SCHIP1: variants seen among roughly 807,000 people sequenced by gnomAD.
SCHIP1 encodes the protein schwannomin-interacting protein 1.
A neutral mutation model predicts 29.7 loss-of-function variants in SCHIP1; 8 were observed. The observed-to-expected ratio is 0.27, with a 90% confidence interval of 0.16 to 0.49. The LOEUF (loss-of-function observed/expected upper bound fraction) is 0.49, where lower values mean the gene tolerates loss of function less well. SCHIP1 is among the 20% of genes least tolerant of loss of function. The probability of loss-of-function intolerance (pLI) is 0.99; values close to 1 mark genes in which losing one functional copy is unlikely to be tolerated. For synonymous variants in SCHIP1, 76 were observed against 94.9 expected (o/e 0.80, Z 1.16); for missense variants, 193 against 294.6 (o/e 0.66, Z 2.52).
the SCHIP1 span, among the ~76,000 whole-genome samples, chr3:159,284,226 TTAGA>T: frequency 5.3e-5 from 8 of 152,186 alleles, no homozygotes; most frequent in Non-Finnish European, 1.0e-4. Context: ...TCCATGGTTA[TTAGA>T]TATTCAGGTT....
At chr3:159,599,626 A>G in the SCHIP1 span, among the ~76,000 whole-genome samples, 1 of 152,244 alleles carries the variant, frequency 6.6e-6, no homozygotes, top group South Asian at 2.1e-4. Flanking sequence ...ATGTATATAT[A>G]CCATATTTTC....
At chr3:159,352,558 A>G in the SCHIP1 span, among the ~76,000 whole-genome samples, 2,466 of 152,056 alleles carry the variant, frequency 0.016, 54 homozygotes, top group African/African-American at 0.056. Context: ...AATTTTCCAA[A>G]CTCTGTGTGT....
the SCHIP1 span, among the ~76,000 whole-genome samples, chr3:159,493,915 G>T: frequency 4.6e-5 from 7 of 151,590 alleles, no homozygotes; most frequent in Admixed American, 4.6e-4. Flanking sequence ...TCAGACCACA[G>T]TGCAATCAAA....
intron 2 of SCHIP1, among the ~76,000 whole-genome samples, chr3:159,873,072 A>G (rs1715441483): frequency 6.6e-6 from 1 of 152,244 alleles, no homozygotes; most frequent in African/African-American, 2.4e-5. Context: ...TACCTCTAGT[A>G]TTCTAAAATA....
the SCHIP1 span, among the ~76,000 whole-genome samples, chr3:159,299,625 A>C: frequency 6.6e-6 from 1 of 152,190 alleles, no homozygotes; most frequent in Non-Finnish European, 1.5e-5. Flanking sequence ...TATTTTCAAC[A>C]TCTTTGTGAG....
At chr3:159,358,792 G>A in the SCHIP1 span, among the ~76,000 whole-genome samples, 1 of 152,260 alleles carries the variant, frequency 6.6e-6, no homozygotes, top group South Asian at 2.1e-4. Flanking sequence ...TAGAAAATAG[G>A]TGAGATGTAG....
chr3:159,359,522 G>A, the SCHIP1 span, among the ~76,000 whole-genome samples: 2 of 152,136 alleles, frequency 1.3e-5, no homozygotes, highest in African/African-American at 4.8e-5. Context: ...ACAGATAAAA[G>A]TGTTTGGTAA....
chr3:159,582,507 AT>A, the SCHIP1 span, among the ~76,000 whole-genome samples: 5 of 151,864 alleles, frequency 3.3e-5, no homozygotes, highest in Admixed American at 2.0e-4. Context: ...GCAATAAAGT[AT>A]TTTTTTTAAT....
chr3:159,789,256 G>T, the SCHIP1 span, among the ~76,000 whole-genome samples: 11,157 of 152,226 alleles, frequency 0.073, 1,326 homozygotes, highest in African/African-American at 0.25. Flanking sequence ...TCTAAAGGCT[G>T]TCTGGAGGCA....
At chr3:159,761,257 C>A in the SCHIP1 span, among the ~76,000 whole-genome samples, 1 of 152,150 alleles carries the variant, frequency 6.6e-6, no homozygotes, top group Non-Finnish European at 1.5e-5. Context: ...CAGGACACAG[C>A]GGCCTAGACT....
exon 7 of SCHIP1, chr3:159,896,786 T>C (rs1718111961): frequency 6.2e-7 from 1 of 1,604,172 alleles, no homozygotes; most frequent in Admixed American, 1.7e-5. Context: ...AAGAAGCCAT[T>C]CAACCAGAGA....
chr3:159,431,560 A>C, the SCHIP1 span, among the ~76,000 whole-genome samples: 1 of 152,298 alleles, frequency 6.6e-6, no homozygotes, highest in South Asian at 2.1e-4. Context: ...AGGAGGAAGC[A>C]GAAAAGATTG....
the SCHIP1 span, among the ~76,000 whole-genome samples, chr3:159,533,589 G>A: frequency 7.9e-5 from 12 of 152,174 alleles, no homozygotes; most frequent in South Asian, 2.1e-4. Context: ...AACTTAGATG[G>A]ACTGACTCCT....
chr3:159,343,836 C>G, the SCHIP1 span, among the ~76,000 whole-genome samples: 1 of 152,106 alleles, frequency 6.6e-6, no homozygotes, highest in African/African-American at 2.4e-5. Context: ...ATATATATCT[C>G]AGATCTATAC....
At chr3:159,776,884 G>A in the SCHIP1 span, among the ~76,000 whole-genome samples, 3 of 152,222 alleles carry the variant, frequency 2.0e-5, no homozygotes, top group South Asian at 2.1e-4. Flanking sequence ...GGTGGTAAAC[G>A]CGGATGCTTC....
At chr3:159,834,112 C>T in the SCHIP1 span, among the ~76,000 whole-genome samples, 3 of 152,124 alleles carry the variant, frequency 2.0e-5, no homozygotes, top group Non-Finnish European at 2.9e-5. Flanking sequence ...TACATTACTC[C>T]CATTTCATCA....
At chr3:159,723,825 G>C in the SCHIP1 span, among the ~76,000 whole-genome samples, 16 of 152,264 alleles carry the variant, frequency 1.1e-4, no homozygotes, top group South Asian at 1.4e-3. Context: ...CATTTCAAAT[G>C]AAAGATACTT....
At chr3:159,795,679 A>G in the SCHIP1 span, among the ~76,000 whole-genome samples, 1 of 152,214 alleles carries the variant, frequency 6.6e-6, no homozygotes, top group Non-Finnish European at 1.5e-5. Flanking sequence ...TGGGTAGGTT[A>G]GAGGAGGAGA....
chr3:159,424,755 T>C, the SCHIP1 span, among the ~76,000 whole-genome samples: 3 of 152,058 alleles, frequency 2.0e-5, no homozygotes, highest in African/African-American at 7.2e-5. Flanking sequence ...TCACCAAAGT[T>C]GAAATGCAGG....
Sources: gnomAD v4.1 joint callset for allele counts (sites outside exome capture counted in the v4.1 genomes callset) on GRCh38, gnomAD v4.1.1 for gene constraint, MANE v1.5 for transcripts, NCBI Gene and HGNC (gene_info 2026-07-23, HGNC 2026-07-21) for gene names.